The following HDAC9 variants were observed in gnomAD, a reference collection of about 807,000 sequenced individuals.
HDAC9 encodes the protein histone deacetylase 9, also known as MEF-2 interacting transcription repressor (MITR) protein.
In HDAC9, 41 loss-of-function variants were observed where a neutral mutation model predicts 139.4. The observed-to-expected ratio is 0.29, with a 90% CI of 0.23 to 0.38. HDAC9 has a LOEUF of 0.38. HDAC9 is among the 10% of genes least tolerant of loss of function. The probability of loss-of-function intolerance (pLI) is 1.00; values close to 1 mark genes in which losing one functional copy is unlikely to be tolerated. For synonymous variants in HDAC9, 517 were observed against 476.2 expected (o/e 1.09, Z -1.12); for missense variants, 1,147 against 1,297.0 (o/e 0.88, Z 1.78).
At chr7:18,738,693 C>A (rs1484103979) in intron 13 of HDAC9, among the ~76,000 whole-genome samples, 1 of 152,118 alleles carries the variant, frequency 6.6e-6, no homozygotes, top group South Asian at 2.1e-4. Context: ...GCCCTTAACA[C>A]TTTTTCCTTC....
intron 13 of HDAC9, 147 bp downstream of exon 13, chr7:18,727,904 C>G: frequency 1.8e-6 from 1 of 554,848 alleles, no homozygotes; most frequent in African/African-American, 2.0e-5. Flanking sequence ...GTTATATTGG[C>G]TATAAGACAA....
chr7:18,142,377 C>T (rs575490224), intron 1 of HDAC9, among the ~76,000 whole-genome samples: 2 of 152,134 alleles, frequency 1.3e-5, no homozygotes, highest in Non-Finnish European at 2.9e-5. Context: ...ATCCTTCTGT[C>T]CCCCCAGTGG....
chr7:18,753,513 A>G (rs2129149828), intron 14 of HDAC9, among the ~76,000 whole-genome samples: 2 of 152,238 alleles, frequency 1.3e-5, no homozygotes, highest in African/African-American at 4.8e-5. Flanking sequence ...TTCTGCTGAC[A>G]TACAGAGAAG....
chr7:18,853,282 A>G (rs1280388209), intron 21 of HDAC9, among the ~76,000 whole-genome samples: 1 of 152,182 alleles, frequency 6.6e-6, no homozygotes, highest in Admixed American at 6.5e-5. Flanking sequence ...ATTTATTAAA[A>G]CAAATGGAAG....
At chr7:18,902,248 G>C (rs148627263) in intron 22 of HDAC9, among the ~76,000 whole-genome samples, 17 of 152,244 alleles carry the variant, frequency 1.1e-4, no homozygotes, top group African/African-American at 4.1e-4. Flanking sequence ...TTAAGAATTT[G>C]TTTAATCAAA....
chr7:18,725,357 G>A (rs1431325947), intron 12 of HDAC9, among the ~76,000 whole-genome samples: 1 of 152,160 alleles, frequency 6.6e-6, no homozygotes, highest in Non-Finnish European at 1.5e-5. Context: ...ATATTCAGTA[G>A]ATAGTATTCG....
intron 13 of HDAC9, among the ~76,000 whole-genome samples, chr7:18,730,560 C>T (rs1190011109): frequency 6.6e-6 from 1 of 152,186 alleles, no homozygotes; most frequent in Admixed American, 6.5e-5. Flanking sequence ...ATGCCTACAA[C>T]AGCCAGTAGT....
chr7:18,647,730 C>T, intron 9 of HDAC9, 55 bp from the exon 10 acceptor site: 1 of 1,420,648 alleles, frequency 7.0e-7, no homozygotes, highest in Non-Finnish European at 9.6e-7. Context: ...ATTTAGAGAC[C>T]CAGTGACCCA....
chr7:18,937,929 G>A (rs951924191), intron 23 of HDAC9, among the ~76,000 whole-genome samples: 1 of 152,188 alleles, frequency 6.6e-6, no homozygotes. Context: ...TGAGGATGGA[G>A]TGATCTCCCC....
At chr7:18,824,044 G>GGAAGAGGAAGAA (rs71309048) in intron 17 of HDAC9, among the ~76,000 whole-genome samples, 1,256 of 67,024 alleles carry the variant, frequency 0.019, 21 homozygotes, top group African/African-American at 0.031. Flanking sequence ...AAGAGGAAGA[G>GGAAGAGGAAGAA]GAAGAAGAAG....
intron 22 of HDAC9, among the ~76,000 whole-genome samples, chr7:18,909,194 T>A (rs1044438798): frequency 6.6e-6 from 1 of 152,094 alleles, no homozygotes; most frequent in Non-Finnish European, 1.5e-5. Flanking sequence ...GTATGTCTTC[T>A]TTTAAGAAAT....
At chr7:18,788,461 G>C (rs1349577177) in intron 16 of HDAC9, among the ~76,000 whole-genome samples, 1 of 152,036 alleles carries the variant, frequency 6.6e-6, no homozygotes, top group Non-Finnish European at 1.5e-5. Flanking sequence ...ACTTCAAAAA[G>C]TCCCAAATAT....
At chr7:18,826,648 C>CTT (rs547478526) in intron 17 of HDAC9, among the ~76,000 whole-genome samples, 17,086 of 121,800 alleles carry the variant, frequency 0.14, 2,282 homozygotes, top group African/African-American at 0.36. Flanking sequence ...GAATTCAAGT[C>CTT]TTTTTTTTTT....
At chr7:18,924,170 G>A (rs909299214) in intron 22 of HDAC9, among the ~76,000 whole-genome samples, 3 of 150,636 alleles carry the variant, frequency 2.0e-5, no homozygotes, top group Non-Finnish European at 4.4e-5. Flanking sequence ...TATCCTATTG[G>A]GCTTATTAGA....
At chr7:18,847,359 C>A (rs981241250) in intron 21 of HDAC9, among the ~76,000 whole-genome samples, 7 of 151,758 alleles carry the variant, frequency 4.6e-5, no homozygotes, top group African/African-American at 1.7e-4. Flanking sequence ...TTTTTCCTTT[C>A]TTTTTTTTAG....
chr7:18,847,935 G>C (rs1196012975), intron 21 of HDAC9, among the ~76,000 whole-genome samples: 1 of 152,158 alleles, frequency 6.6e-6, no homozygotes, highest in Non-Finnish European at 1.5e-5. Flanking sequence ...GATTCTATCA[G>C]ACTTAACTCG....
intron 5 of HDAC9, among the ~76,000 whole-genome samples, chr7:18,592,679 C>T (rs1385109046): frequency 6.6e-6 from 1 of 152,048 alleles, no homozygotes; most frequent in African/African-American, 2.4e-5. Flanking sequence ...AAACAGGTAA[C>T]AGACAGATAC....
intron 2 of HDAC9, among the ~76,000 whole-genome samples, chr7:18,224,549 G>A (rs971298329): frequency 1.3e-5 from 2 of 152,078 alleles, no homozygotes; most frequent in Non-Finnish European, 2.9e-5. Context: ...ACCCAGCGTG[G>A]GTGCTTGTGT....
chr7:18,758,017 T>C (rs1052603602), intron 14 of HDAC9, among the ~76,000 whole-genome samples: 4 of 152,158 alleles, frequency 2.6e-5, no homozygotes, highest in Admixed American at 6.6e-5. Context: ...TCAGTGAGCA[T>C]AGCTCCTTTT....
Sources: allele counts gnomAD v4.1 joint callset (sites outside exome capture counted in the v4.1 genomes callset), GRCh38; gene constraint gnomAD v4.1.1; transcripts MANE v1.5; gene names NCBI Gene and HGNC (gene_info 2026-07-23, HGNC 2026-07-21).